MFF: variants seen among roughly 807,000 people sequenced by gnomAD.
MFF encodes mitochondrial fission factor.
In MFF, 12 loss-of-function variants were observed where a neutral mutation model predicts 36.9. That is an observed-to-expected ratio of 0.33 (90% CI 0.21 to 0.53). MFF has a LOEUF of 0.53. MFF is among the 20% of genes least tolerant of loss of function. MFF has a pLI of 0.95. For missense variants in MFF, 348 were observed against 366.6 expected, an observed-to-expected ratio of 0.95 and a Z score of 0.42; for synonymous variants, 99 against 126.2, an observed-to-expected ratio of 0.78 and a Z score of 1.44.
chr2:227,357,329 A>G lies in MFF; in HGVS notation c.*212A>G. On this transcript the variant is annotated 3_prime_UTR_variant, in exon 9 of 9. Coordinates refer to ENST00000304593, the MANE Select transcript of MFF (RefSeq NM_001277062.2). ...TGTATTCACGTCTGAGCAGTTCTGCAGTAACACCTGCTTAAAATTCTCCCT... is the reference window on the plus strand; with the variant it reads ...TGTATTCACGTCTGAGCAGTTCTGCGGTAACACCTGCTTAAAATTCTCCCT... The G allele has an allele frequency of 2.4e-6, 1 of 410,862 alleles. No homozygotes were observed. Among genetic ancestry groups the G allele is most frequent in the South Asian group, 6.5e-5 (1 of 15,374 alleles). 25.5% of individuals were successfully genotyped at this position (410,862 alleles called of 1,614,324 possible).
intron 5 of MFF, 73 bp from the exon 6 acceptor site, chr2:227,347,153 A>G: frequency 7.4e-7 from 1 of 1,349,238 alleles, no homozygotes; most frequent in Non-Finnish European, 1.0e-6. Context: ...TAAGATAAAG[A>G]CTGCTCAGCT....
chr2:227,346,079 T>C (rs2075694642), intron 5 of MFF: 1 of 158,956 alleles, frequency 6.3e-6, no homozygotes, highest in Non-Finnish European at 1.5e-5. Flanking sequence ...GGGAATAATA[T>C]CAGATGACTA....
chr2:227,341,990 T>G (rs1399436338), intron 5 of MFF, among the ~76,000 whole-genome samples: 1 of 152,134 alleles, frequency 6.6e-6, no homozygotes, highest in African/African-American at 2.4e-5. Context: ...GAAGTATAAT[T>G]TAGAGTAGAT....
At chr2:227,337,667 T>C (rs1056690563) in intron 4 of MFF, among the ~76,000 whole-genome samples, 2 of 152,170 alleles carry the variant, frequency 1.3e-5, no homozygotes, top group African/African-American at 2.4e-5. Context: ...AGGAAGCTGC[T>C]TGAACTTAGG....
intron 5 of MFF, chr2:227,342,694 C>T: frequency 6.9e-7 from 1 of 1,442,278 alleles, no homozygotes; most frequent in Non-Finnish European, 9.7e-7. Context: ...CTAGCTTTTT[C>T]TTTGTGTTAT....
intron 5 of MFF, among the ~76,000 whole-genome samples, chr2:227,345,381 T>A (rs1410184414): frequency 6.6e-6 from 1 of 152,262 alleles, no homozygotes; most frequent in Non-Finnish European, 1.5e-5. Flanking sequence ...AATATGTTAG[T>A]ATATAGCTGG....
rs1482343211 is a variant in MFF at position 227,331,964 on chromosome 2, T to A, written c.182-455T>A. 1.8e-3 allele frequency among the ~76,000 whole-genome samples: 150 copies of A among 83,844 alleles called. 6 individuals carry two copies. The highest frequency in any genetic ancestry group is 7.1e-3 in the South Asian group (18 of 2,524). The allele number at this position is 83,844 out of a possible 152,430, so 55.0% of individuals were successfully genotyped here. ...AATGTCAATACGCTGGAAGCATTTTTTTTTTTTTTTTTTTTTTTTTTTTTT... is the reference window on the plus strand; with the variant it reads ...AATGTCAATACGCTGGAAGCATTTTATTTTTTTTTTTTTTTTTTTTTTTTT... On this transcript the variant is annotated intron_variant, in intron 3 of 8. Coordinates refer to ENST00000304593, the MANE Select transcript of MFF (RefSeq NM_001277062.2).
intron 1 of MFF, among the ~76,000 whole-genome samples, chr2:227,327,701 G>A (rs1446164526): frequency 2.0e-5 from 3 of 152,182 alleles, no homozygotes; most frequent in Non-Finnish European, 2.9e-5. Flanking sequence ...TAGAAAGTTC[G>A]TAAGACTGAA....
intron 2 of MFF, chr2:227,330,095 A>G: frequency 4.5e-6 from 1 of 220,570 alleles, no homozygotes; most frequent in Non-Finnish European, 8.8e-6. Context: ...TGTGATTTTC[A>G]GGGAGTTGCA....
At chr2:227,348,180 C>T (rs1490613802) in intron 6 of MFF, among the ~76,000 whole-genome samples, 1 of 152,086 alleles carries the variant, frequency 6.6e-6, no homozygotes, top group African/African-American at 2.4e-5. Flanking sequence ...TTAATTGTTA[C>T]TTTTTGCATT....
chr2:227,332,400 T>C lies in MFF; in HGVS notation c.182-19T>C. The C allele has an allele frequency of 6.6e-7, 1 of 1,504,898 alleles. No homozygotes were observed. The highest frequency in any genetic ancestry group is 8.9e-7 in the Non-Finnish European group (1 of 1,129,328). 93.2% of individuals were successfully genotyped at this position (1,504,898 alleles called of 1,614,324 possible). A position where few individuals can be genotyped will look rare whatever the true frequency, so the allele number is the denominator to read the frequency against. Reference sequence around the variant, plus strand: ...CTCCCGCTTTTCTCTTCTTTGTCTCTTTTCTTGAAAACTCCTAGGAAATAA... The same window carrying C: ...CTCCCGCTTTTCTCTTCTTTGTCTCCTTTCTTGAAAACTCCTAGGAAATAA... On this transcript the variant is annotated intron_variant, in intron 3 of 8. Transcript: ENST00000304593.
At chr2:227,337,292 T>A (rs1326453020) in intron 4 of MFF, among the ~76,000 whole-genome samples, 1 of 152,240 alleles carries the variant, frequency 6.6e-6, no homozygotes, top group East Asian at 1.9e-4. Flanking sequence ...CCATGATTCG[T>A]GATTTTAAAT....
chr2:227,347,104 G>A, intron 5 of MFF, 122 bp from the exon 6 acceptor site: 1 of 719,990 alleles, frequency 1.4e-6, no homozygotes, highest in South Asian at 2.0e-5. Context: ...CTTGTGGGGA[G>A]AGTGAAGGGT....
At chr2:227,352,942 A>G (rs1033212002) in intron 7 of MFF, among the ~76,000 whole-genome samples, 2 of 152,146 alleles carry the variant, frequency 1.3e-5, no homozygotes, top group Admixed American at 6.6e-5. Flanking sequence ...TTTCCTTTTA[A>G]GTTGTTAATT....
At chr2:227,356,905 CTACT>C (rs1243830760) in intron 8 of MFF, 77 bp from the exon 9 acceptor site, 5 of 1,093,656 alleles carry the variant, frequency 4.6e-6, no homozygotes, top group African/African-American at 3.1e-5. Flanking sequence ...AATTATTATA[CTACT>C]TACTTTATAA....
chr2:227,332,296 A>C (rs562884249), intron 3 of MFF, 123 bp from the exon 4 acceptor site: 1 of 764,168 alleles, frequency 1.3e-6, no homozygotes, highest in African/African-American at 1.8e-5. Flanking sequence ...GAAAGAAACT[A>C]ATGCTTATTG....
intron 4 of MFF, among the ~76,000 whole-genome samples, chr2:227,340,089 A>AC (rs1353516670): frequency 6.8e-6 from 1 of 146,796 alleles, no homozygotes; most frequent in Non-Finnish European, 1.5e-5. Context: ...TATAGTAAGT[A>AC]GGGTGTGTGT....
At position 227,336,616 on chromosome 2, in the gene MFF, C is replaced by CGTGG. The variant is rs1574922463; in HGVS notation, c.352-3676_352-3675insGTGG. On this transcript the variant is annotated intron_variant, in intron 4 of 8. Transcript: ENST00000304593. ...AGAAGCCATCAAATGGCATCCTCCA[C>CGTGG]AGGATGCCAAATTCTACAGCAGTTA... is the stretch of plus-strand genomic sequence containing the variant. 3.9e-5 allele frequency among the ~76,000 whole-genome samples: 6 copies of CGTGG among 152,328 alleles called. No homozygotes were observed. In the East Asian group the frequency reaches 7.7e-4, roughly 20 times the overall value.
At chr2:227,334,796 A>G (rs1451917081) in intron 4 of MFF, among the ~76,000 whole-genome samples, 1 of 152,214 alleles carries the variant, frequency 6.6e-6, no homozygotes, top group South Asian at 2.1e-4. Flanking sequence ...AGGTGGAAGC[A>G]AGTAAAATAT....
Sources: allele counts gnomAD v4.1 joint callset (sites outside exome capture counted in the v4.1 genomes callset), GRCh38; gene constraint gnomAD v4.1.1; transcripts MANE v1.5; gene names NCBI Gene and HGNC (gene_info 2026-07-23, HGNC 2026-07-21).